The following GNAQ variants were observed in gnomAD, a reference collection of about 807,000 sequenced individuals.
GNAQ encodes G protein subunit alpha q.
Under a neutral mutation model 43.9 loss-of-function variants are expected in GNAQ, and 8 were observed. The ratio of observed to expected loss-of-function variants is 0.18; its 90% CI spans 0.11 to 0.33. The LOEUF (loss-of-function observed/expected upper bound fraction) is 0.33. Ranked by LOEUF, GNAQ falls within the 10% of genes least tolerant of loss-of-function variation. The pLI is 1.00. For synonymous variants in GNAQ, 155 were observed against 170.7 expected (o/e 0.91, Z 0.71); for missense variants, 158 against 450.8 (o/e 0.35, Z 5.88).
chr9:77,728,830 A>G (rs916691929), intron 5 of GNAQ, among the ~76,000 whole-genome samples, 163 bp from the exon 6 acceptor site: 2 of 152,318 alleles, frequency 1.3e-5, no homozygotes, highest in African/African-American at 2.4e-5. Context: ...GATTCATGAC[A>G]CACATTGGCT....
chr9:77,815,019 T>A (rs1587929057), intron 3 of GNAQ, among the ~76,000 whole-genome samples: 1 of 152,156 alleles, frequency 6.6e-6, no homozygotes, highest in Non-Finnish European at 1.5e-5. Flanking sequence ...AGGACATGAG[T>A]CTGACTGACA....
At chr9:77,963,033 TAAG>T (rs1164062452) in intron 1 of GNAQ, among the ~76,000 whole-genome samples, 1 of 151,520 alleles carries the variant, frequency 6.6e-6, no homozygotes, top group African/African-American at 2.4e-5. Context: ...GCACTAAGAA[TAAG>T]AAGATACTGG....
intron 5 of GNAQ, among the ~76,000 whole-genome samples, chr9:77,746,601 A>C (rs143419566): frequency 6.6e-6 from 1 of 152,334 alleles, no homozygotes; most frequent in East Asian, 1.9e-4. Context: ...CTCGTGGGAA[A>C]AAAAGTTGAC....
chr9:77,752,887 C>T (rs922429284), intron 5 of GNAQ, among the ~76,000 whole-genome samples: 1 of 152,008 alleles, frequency 6.6e-6, no homozygotes, highest in Non-Finnish European at 1.5e-5. Flanking sequence ...GAGATTGAGG[C>T]CATGCTGGCT....
intron 6 of GNAQ, among the ~76,000 whole-genome samples, chr9:77,723,578 A>G (rs1303328946): frequency 6.6e-6 from 1 of 152,246 alleles, no homozygotes; most frequent in Non-Finnish European, 1.5e-5. Context: ...ATATCAGAAT[A>G]TCAGAAACAA....
intron 2 of GNAQ, among the ~76,000 whole-genome samples, chr9:77,913,788 G>A (rs753013590): frequency 4.6e-5 from 7 of 152,060 alleles, no homozygotes; most frequent in Non-Finnish European, 5.9e-5. Context: ...ATCTTCTGAG[G>A]TTATGGTTAT....
intron 2 of GNAQ, among the ~76,000 whole-genome samples, chr9:77,854,215 G>T (rs1276287153): frequency 6.6e-6 from 1 of 152,066 alleles, no homozygotes; most frequent in Non-Finnish European, 1.5e-5. Flanking sequence ...TTAGCCCAGA[G>T]ATGAATGTGT....
intron 1 of GNAQ, among the ~76,000 whole-genome samples, chr9:78,029,025 T>C (rs1361948336): frequency 1.3e-5 from 2 of 152,188 alleles, no homozygotes; most frequent in Non-Finnish European, 2.9e-5. Context: ...TAAAATTGGT[T>C]TACACTTTTT....
chr9:77,975,131 T>A (rs1211115735), intron 1 of GNAQ, among the ~76,000 whole-genome samples: 1 of 152,104 alleles, frequency 6.6e-6, no homozygotes, highest in African/African-American at 2.4e-5. Flanking sequence ...CCTTGCAAAA[T>A]CCTCTGTACA....
At chr9:77,887,801 T>C (rs1450469587) in intron 2 of GNAQ, among the ~76,000 whole-genome samples, 1 of 152,244 alleles carries the variant, frequency 6.6e-6, no homozygotes, top group African/African-American at 2.4e-5. Context: ...AATATACATA[T>C]ACACACACAC....
rs572887164 is a variant in GNAQ at position 77,858,214 on chromosome 9, A to G, written c.322-42444T>C. On this transcript the variant is annotated intron_variant, in intron 2 of 6. Transcript: ENST00000286548. ...ATCATGAGATTGAGTCTCCAGACCC[A>G]GCAGCAGTGTGGGTTCTGTGCTTTA... Among the ~76,000 whole-genome samples the G allele has an allele frequency of 2.6e-5, 4 of 152,278 alleles. No homozygotes were observed. In the South Asian group the frequency reaches 8.3e-4, roughly 32 times the overall value.
chr9:77,763,557 G>T (rs1297993196), intron 5 of GNAQ, among the ~76,000 whole-genome samples: 1 of 152,200 alleles, frequency 6.6e-6, no homozygotes, highest in Admixed American at 6.5e-5. Context: ...TTGCGATTTT[G>T]CTAACTGCTG....
chr9:77,739,828 T>C (rs1161795329), intron 5 of GNAQ, among the ~76,000 whole-genome samples: 1 of 152,132 alleles, frequency 6.6e-6, no homozygotes, highest in Non-Finnish European at 1.5e-5. Context: ...ACAGGAGATT[T>C]TGGATAAAGA....
At chr9:77,969,469 TG>T (rs1407832286) in intron 1 of GNAQ, among the ~76,000 whole-genome samples, 2 of 152,144 alleles carry the variant, frequency 1.3e-5, no homozygotes, top group African/African-American at 4.8e-5. Flanking sequence ...TTTCCTGACA[TG>T]GAAGAATACA....
chr9:77,958,466 G>A lies in GNAQ; in HGVS notation c.137-36121C>T, dbSNP rs1438961481. The stretch of plus-strand genomic sequence containing the variant: ...AATGACTTTCATATTCTGCAATATT[G>A]TGAATTACTCTGTCCTATTCACTAA... On this transcript the variant is annotated intron_variant, in intron 1 of 6. Transcript: ENST00000286548. Among the ~76,000 whole-genome samples the A allele has an allele frequency of 2.0e-5, 3 of 152,140 alleles. 1 individual carries two copies. The highest frequency in any genetic ancestry group is 4.8e-5 in the African/African-American group (2 of 41,414).
At chr9:77,755,467 T>C (rs965351897) in intron 5 of GNAQ, among the ~76,000 whole-genome samples, 1 of 152,232 alleles carries the variant, frequency 6.6e-6, no homozygotes, top group Non-Finnish European at 1.5e-5. Context: ...ATGTGTCATG[T>C]ACCCTATAAA....
At chr9:77,885,180 A>G (rs189131489) in intron 2 of GNAQ, among the ~76,000 whole-genome samples, 123 of 152,326 alleles carry the variant, frequency 8.1e-4, no homozygotes, top group African/African-American at 2.9e-3. Context: ...AAATGTGCCC[A>G]AAGTTGTGGT....
chr9:77,951,092 C>CTTTTTTTTTTTT (rs35044662), intron 1 of GNAQ, among the ~76,000 whole-genome samples: 1 of 89,318 alleles, frequency 1.1e-5, no homozygotes, highest in African/African-American at 4.5e-5. Context: ...GTCAAGTGTT[C>CTTTTTTTTTTTT]TTTTTTTTTT....
intron 1 of GNAQ, among the ~76,000 whole-genome samples, chr9:77,972,733 C>T (rs1823252286): frequency 6.6e-6 from 1 of 151,926 alleles, no homozygotes; most frequent in East Asian, 1.9e-4. Context: ...GCGGGTGGAT[C>T]GATCACCTGA....
Sources: allele counts gnomAD v4.1 joint callset (sites outside exome capture counted in the v4.1 genomes callset), GRCh38; gene constraint gnomAD v4.1.1; transcripts MANE v1.5; gene names NCBI Gene and HGNC (gene_info 2026-07-23, HGNC 2026-07-21).